Variants in ARPC2 observed in about 807,000 individuals in gnomAD.
The protein encoded by ARPC2 is actin-related protein 2/3 complex subunit 2.
ARPC2 carries 4 observed loss-of-function variants against 38.6 expected under a neutral mutation model. The ratio of observed to expected loss-of-function variants is 0.10; its 90% CI spans 0.05 to 0.24. ARPC2 has a LOEUF of 0.24. ARPC2 is among the 10% of genes least tolerant of loss of function. The probability of loss-of-function intolerance (pLI) is 1.00; values close to 1 mark genes in which losing one functional copy is unlikely to be tolerated. For missense variants in ARPC2, 229 were observed against 387.3 expected, an observed-to-expected ratio of 0.59 and a Z score of 3.43; for synonymous variants, 125 against 140.8, an observed-to-expected ratio of 0.89 and a Z score of 0.79.
chr2:218,222,668 TTCAGAGTCCGATC>T (rs1689410398), intron 2 of ARPC2, among the ~76,000 whole-genome samples: 1 of 152,144 alleles, frequency 6.6e-6, no homozygotes, highest in South Asian at 2.1e-4. Flanking sequence ...CAACCACAGC[TTCAGAGTCCGATC>T]TCTGACTCCA....
intron 2 of ARPC2, 97 bp downstream of exon 2, chr2:218,217,641 A>C: frequency 3.9e-6 from 5 of 1,295,230 alleles, no homozygotes; most frequent in Non-Finnish European, 5.4e-6. Context: ...GAGGAGAGAA[A>C]TGGGGTGCCT....
At chr2:218,249,766 A>T in intron 9 of ARPC2, 55 bp from the exon 10 acceptor site, 3 of 1,498,154 alleles carry the variant, frequency 2.0e-6, no homozygotes, top group Non-Finnish European at 2.8e-6. Flanking sequence ...AAAGACAGCA[A>T]AGCTGTCTTT....
intron 9 of ARPC2, 109 bp downstream of exon 9, chr2:218,249,573 G>T (rs1053872232): frequency 4.4e-6 from 4 of 912,696 alleles, no homozygotes; most frequent in Non-Finnish European, 6.6e-6. Flanking sequence ...TTGACTCTTA[G>T]GTAAATAATT....
At chr2:218,218,182 G>A (rs1311549690) in intron 2 of ARPC2, among the ~76,000 whole-genome samples, 8 of 152,066 alleles carry the variant, frequency 5.3e-5, no homozygotes, top group Non-Finnish European at 1.0e-4. Flanking sequence ...ATTGTCCCTC[G>A]CTCCACACCC....
At chr2:218,231,893 C>G (rs566406347) in intron 4 of ARPC2, among the ~76,000 whole-genome samples, 162 of 152,260 alleles carry the variant, frequency 1.1e-3, no homozygotes, top group African/African-American at 3.7e-3. Flanking sequence ...CGCTTGAGGT[C>G]AAGAGTTCAA....
chr2:218,249,212 T>G, intron 8 of ARPC2, 152 bp from the exon 9 acceptor site: 3 of 590,272 alleles, frequency 5.1e-6, no homozygotes, highest in Non-Finnish European at 8.9e-6. Context: ...AACTTCCATG[T>G]CAAGAAAAAA....
At chr2:218,238,883 A>G (rs1288038805) in intron 6 of ARPC2, 33 bp downstream of exon 6, 6 of 1,517,490 alleles carry the variant, frequency 4.0e-6, no homozygotes, top group East Asian at 2.3e-5. Context: ...AAGCCTGGAT[A>G]TGGCTGCTAC....
At position 218,235,228 on chromosome 2, in the gene ARPC2, A is replaced by G. The variant is rs139498093; in HGVS notation, c.268+831A>G. ...CATTCTGTTGCCCAGGCTGGAATGCAGTGGTACAGTCATAGCTCACTGCAG... is the reference window on the plus strand; with the variant it reads ...CATTCTGTTGCCCAGGCTGGAATGCGGTGGTACAGTCATAGCTCACTGCAG... On this transcript the variant is annotated intron_variant, in intron 5 of 10. Transcript: ENST00000315717. 2.5e-3 allele frequency: 557 copies of G among 223,802 alleles called. 3 individuals are homozygous for G. The highest frequency in any genetic ancestry group is 0.012 in the African/African-American group (533 of 42,780). 13.9% of individuals were successfully genotyped at this position (223,802 alleles called of 1,614,324 possible). A position where few individuals can be genotyped will look rare whatever the true frequency, so the allele number is the denominator to read the frequency against.
Position 218,217,466 on chromosome 2 carries a change from C to G in ARPC2, c.-5C>G, listed in dbSNP as rs1307751001. The G allele has an allele frequency of 2.5e-6, 4 of 1,613,880 alleles. No homozygotes were observed. Among genetic ancestry groups the G allele is most frequent in the Admixed American group, 1.7e-5 (1 of 60,016 alleles). On this transcript the variant is annotated 5_prime_UTR_variant, in exon 2 of 11. Coordinates refer to ENST00000315717, the MANE Select transcript of ARPC2 (RefSeq NM_152862.3). ...TTTCTCCTTCCCCTGGGGGCAGCCG[C>G]CGCCATGATCCTGCTGGAGGTGAAC...
intron 8 of ARPC2, among the ~76,000 whole-genome samples, chr2:218,247,297 A>G (rs573936477): frequency 2.0e-5 from 3 of 152,310 alleles, no homozygotes; most frequent in South Asian, 4.1e-4. Context: ...AGCCTCATGC[A>G]CTGGCTGATT....
At chr2:218,225,650 A>T (rs1038318992) in intron 2 of ARPC2, among the ~76,000 whole-genome samples, 2 of 152,248 alleles carry the variant, frequency 1.3e-5, no homozygotes, top group Non-Finnish European at 2.9e-5. Flanking sequence ...AGTGAGCACC[A>T]ACCAAAGCAG....
intron 8 of ARPC2, among the ~76,000 whole-genome samples, chr2:218,248,618 A>C (rs895650335): frequency 5.9e-5 from 9 of 152,176 alleles, no homozygotes; most frequent in African/African-American, 1.9e-4. Flanking sequence ...ACGCCATCAC[A>C]TGTGGCTAAT....
intron 4 of ARPC2, among the ~76,000 whole-genome samples, chr2:218,230,293 T>C (rs1172709684): frequency 1.1e-3 from 125 of 117,470 alleles, no homozygotes; most frequent in Non-Finnish European, 1.7e-3. Flanking sequence ...TTTTCTTTTT[T>C]TTTTTTTTTT....
At chr2:218,243,225 G>T (rs1158986695) in intron 7 of ARPC2, among the ~76,000 whole-genome samples, 1 of 152,090 alleles carries the variant, frequency 6.6e-6, no homozygotes, top group Non-Finnish European at 1.5e-5. Context: ...GATTTAAGAT[G>T]CTACTTTTAT....
At chr2:218,252,895 C>G in intron 10 of ARPC2, 5 of 456,606 alleles carry the variant, frequency 1.1e-5, no homozygotes, top group South Asian at 6.2e-5. Flanking sequence ...GTTCATAAGC[C>G]TCCTCTCTGG....
At chr2:218,243,752 GGT>G (rs1689968381) in intron 7 of ARPC2, among the ~76,000 whole-genome samples, 1 of 152,162 alleles carries the variant, frequency 6.6e-6, no homozygotes, top group Non-Finnish European at 1.5e-5. Flanking sequence ...CTCCAGCCTG[GGT>G]GACAGAGTGA....
At position 218,228,970 on chromosome 2, in the gene ARPC2, A is replaced by G. The variant is rs1689569701; in HGVS notation, c.222+120A>G. 3 of 625,622 alleles carry G rather than the reference A, an allele frequency of 4.8e-6. No homozygotes were observed. In the Admixed American group the frequency reaches 8.9e-5, roughly 19 times the overall value. The allele number at this position is 625,622 out of a possible 1,614,324, so 38.8% of individuals were successfully genotyped here. ...CACATGACTACTTGCTCACCTAACT[A>G]GGGGCTCTTGACTTGATTCCTATAA... On this transcript the variant is annotated intron_variant, in intron 4 of 10. Coordinates refer to ENST00000315717, the MANE Select transcript of ARPC2 (RefSeq NM_152862.3).
At chr2:218,220,428 C>G (rs1689356543) in intron 2 of ARPC2, among the ~76,000 whole-genome samples, 1 of 152,170 alleles carries the variant, frequency 6.6e-6, no homozygotes, top group Non-Finnish European at 1.5e-5. Context: ...ATTTCTGGTG[C>G]TCATTTGCCA....
chr2:218,242,497 A>G (rs552649826), intron 7 of ARPC2, among the ~76,000 whole-genome samples: 1 of 152,196 alleles, frequency 6.6e-6, no homozygotes, highest in African/African-American at 2.4e-5. Flanking sequence ...GCCTGTTTGC[A>G]TGTGTGGGTA....
Sources: gnomAD v4.1 joint callset for allele counts (sites outside exome capture counted in the v4.1 genomes callset) on GRCh38, gnomAD v4.1.1 for gene constraint, MANE v1.5 for transcripts, NCBI Gene and HGNC (gene_info 2026-07-23, HGNC 2026-07-21) for gene names.